NLGN1: variants seen among roughly 807,000 people sequenced by gnomAD.
NLGN1 encodes the protein neuroligin-1.
NLGN1 carries 12 observed loss-of-function variants against 65.5 expected under a neutral mutation model. That is an observed-to-expected ratio of 0.18 (90% CI 0.12 to 0.30). The LOEUF (loss-of-function observed/expected upper bound fraction) is 0.30, where lower values mean the gene tolerates loss of function less well. NLGN1 is among the 10% of genes least tolerant of loss of function. The probability of loss-of-function intolerance (pLI) is 1.00; values close to 1 mark genes in which losing one functional copy is unlikely to be tolerated. For missense variants in NLGN1, 750 were observed against 1,007.1 expected, an observed-to-expected ratio of 0.74 and a Z score of 3.46; for synonymous variants, 350 against 359.5, an observed-to-expected ratio of 0.97 and a Z score of 0.30.
intron 2 of NLGN1, among the ~76,000 whole-genome samples, chr3:173,571,174 C>G (rs1044939577): frequency 6.6e-5 from 10 of 152,196 alleles, no homozygotes; most frequent in Non-Finnish European, 1.3e-4. Flanking sequence ...TTATGGTTGG[C>G]AGACCTCTGT....
intron 3 of NLGN1, among the ~76,000 whole-genome samples, chr3:173,787,263 T>A (rs1175395248): frequency 1.3e-5 from 2 of 152,232 alleles, no homozygotes; most frequent in Non-Finnish European, 2.9e-5. Context: ...ATATTTTTAT[T>A]GCTTTAAATT....
intron 4 of NLGN1, among the ~76,000 whole-genome samples, chr3:173,852,126 G>A (rs1303448707): frequency 6.6e-6 from 1 of 151,584 alleles, no homozygotes; most frequent in Non-Finnish European, 1.5e-5. Flanking sequence ...GGAGGCCGAG[G>A]CGGGCGGATC....
chr3:174,003,659 C>T (rs1024963427), intron 4 of NLGN1, among the ~76,000 whole-genome samples: 7 of 151,930 alleles, frequency 4.6e-5, no homozygotes, highest in East Asian at 3.9e-4. Context: ...CTGTATATTT[C>T]GGTGTACAAA....
chr3:174,052,101 G>T (rs972296042), intron 4 of NLGN1, among the ~76,000 whole-genome samples: 8 of 151,966 alleles, frequency 5.3e-5, no homozygotes, highest in African/African-American at 1.9e-4. Flanking sequence ...TGTTTTACTT[G>T]CAGCCTCACA....
At chr3:173,407,402 C>G (rs551211573) in intron 1 of NLGN1, among the ~76,000 whole-genome samples, 1 of 152,180 alleles carries the variant, frequency 6.6e-6, no homozygotes, top group Admixed American at 6.5e-5. Flanking sequence ...CTTGTTTATG[C>G]AATGGTAGAG....
At chr3:173,551,113 G>A (rs1453865286) in intron 2 of NLGN1, among the ~76,000 whole-genome samples, 1 of 152,052 alleles carries the variant, frequency 6.6e-6, no homozygotes, top group Non-Finnish European at 1.5e-5. Context: ...TAACTTTAAC[G>A]GTGGAGAAGT....
At chr3:173,719,228 G>T (rs1210194517) in intron 3 of NLGN1, among the ~76,000 whole-genome samples, 1 of 152,132 alleles carries the variant, frequency 6.6e-6, no homozygotes, top group Admixed American at 6.6e-5. Flanking sequence ...ACTGAAAAAT[G>T]GCAAAAATTT....
intron 4 of NLGN1, among the ~76,000 whole-genome samples, chr3:173,993,101 A>G (rs1233959276): frequency 2.0e-5 from 3 of 152,208 alleles, no homozygotes; most frequent in Non-Finnish European, 2.9e-5. Context: ...GGGACAGCTT[A>G]CAGGCATTTT....
At chr3:173,677,624 G>A (rs1311491596) in intron 3 of NLGN1, among the ~76,000 whole-genome samples, 18 of 151,988 alleles carry the variant, frequency 1.2e-4, no homozygotes, top group South Asian at 2.1e-4. Context: ...TATTATCTAT[G>A]AGGCTTATGC....
At chr3:173,595,505 G>C (rs1463337351) in intron 2 of NLGN1, among the ~76,000 whole-genome samples, 2 of 152,166 alleles carry the variant, frequency 1.3e-5, no homozygotes, top group Non-Finnish European at 1.5e-5. Flanking sequence ...TCTCTAGGAA[G>C]TTCCAAACTT....
At chr3:174,214,488 T>C (rs1460631098) in intron 4 of NLGN1, among the ~76,000 whole-genome samples, 2 of 152,206 alleles carry the variant, frequency 1.3e-5, no homozygotes, top group Non-Finnish European at 2.9e-5. Context: ...TTTAGTGTTA[T>C]CTTCTGAAAT....
Position 173,901,363 on chromosome 3 carries a change from T to G in NLGN1, c.646+93531T>G, listed in dbSNP as rs550153899. On this transcript the variant is annotated intron_variant, in intron 4 of 6. Coordinates refer to ENST00000457714, the Ensembl canonical transcript of NLGN1. ...AATATTTGAAAAACTAGTATTTTTT[T>G]TGGGGGGGTGTGTGTGTGTGTGTTT... 2.4e-3 allele frequency among the ~76,000 whole-genome samples: 322 copies of G among 133,412 alleles called. 2 individuals carry two copies. Among genetic ancestry groups the G allele is most frequent in the African/African-American group, 5.5e-3 (200 of 36,324 alleles). 87.5% of individuals were successfully genotyped at this position (133,412 alleles called of 152,430 possible).
intron 3 of NLGN1, among the ~76,000 whole-genome samples, chr3:173,767,706 C>T (rs984010490): frequency 6.6e-6 from 1 of 151,950 alleles, no homozygotes; most frequent in African/African-American, 2.4e-5. Flanking sequence ...TAAACAATGA[C>T]CCATTCAATT....
chr3:173,537,207 A>G (rs1018804417), intron 2 of NLGN1, among the ~76,000 whole-genome samples: 2 of 152,216 alleles, frequency 1.3e-5, no homozygotes, highest in Non-Finnish European at 2.9e-5. Flanking sequence ...ATTAATGATC[A>G]CAAATCCACG....
intron 4 of NLGN1, among the ~76,000 whole-genome samples, chr3:174,188,429 A>G (rs1437150693): frequency 6.6e-6 from 1 of 152,024 alleles, no homozygotes; most frequent in Non-Finnish European, 1.5e-5. Flanking sequence ...CCAGAGCCTA[A>G]CTACCAGTGC....
chr3:174,275,731 G>A (rs1255784323), intron 5 of NLGN1, among the ~76,000 whole-genome samples: 4 of 151,752 alleles, frequency 2.6e-5, no homozygotes, highest in African/African-American at 9.7e-5. Context: ...GCTTGGTAAG[G>A]ATGCCCTTTC....
rs371122656 is a variant in NLGN1, at chr3:173,803,825, G to GT, written c.494-3848dup. ...GGCACAAAAGTCTGCCTTGAAATGT[G>GT]TTTTTTTATAATAGAGAAAGATTTA... On this transcript the variant is annotated intron_variant, in intron 3 of 6. Coordinates refer to ENST00000457714, the Ensembl canonical transcript of NLGN1. 5.8e-3 allele frequency among the ~76,000 whole-genome samples: 879 copies of GT among 151,982 alleles called. 12 individuals carry two copies. The highest frequency in any genetic ancestry group is 0.02 in the African/African-American group (815 of 41,478).
At chr3:173,962,012 G>GA (rs1468354076) in intron 4 of NLGN1, among the ~76,000 whole-genome samples, 5 of 151,526 alleles carry the variant, frequency 3.3e-5, no homozygotes, top group African/African-American at 9.7e-5. Context: ...GAAAGGAGAT[G>GA]AAAAAAAACA....
At chr3:173,937,305 A>G (rs1486958735) in intron 4 of NLGN1, among the ~76,000 whole-genome samples, 3 of 152,070 alleles carry the variant, frequency 2.0e-5, no homozygotes, top group African/African-American at 7.2e-5. Context: ...CAGATTACTG[A>G]GCTTATGAAA....
Sources: allele counts gnomAD v4.1 joint callset (sites outside exome capture counted in the v4.1 genomes callset), GRCh38; gene constraint gnomAD v4.1.1; transcripts MANE v1.5; gene names NCBI Gene and HGNC (gene_info 2026-07-23, HGNC 2026-07-21).